The following KCNIP3 variants were observed in gnomAD, a reference collection of about 807,000 sequenced individuals.
KCNIP3 encodes the protein calsenilin.
In KCNIP3, 28 loss-of-function variants were observed where a neutral mutation model predicts 35.0. The ratio of observed to expected loss-of-function variants is 0.80; its 90% CI spans 0.59 to 1.10. The LOEUF (loss-of-function observed/expected upper bound fraction) is 1.10, where lower values mean the gene tolerates loss of function less well. Among genes scored for constraint, KCNIP3 ranks in the 50% least tolerant of loss-of-function variants. KCNIP3 has a pLI of 0.00. For missense variants in KCNIP3, 295 were observed against 338.4 expected (o/e 0.87, Z 1.01); for synonymous variants, 134 against 133.8 (o/e 1.00, Z -0.01).
At chr2:95,316,258 G>A (rs1455447934) in intron 2 of KCNIP3, among the ~76,000 whole-genome samples, 5 of 152,342 alleles carry the variant, frequency 3.3e-5, no homozygotes, top group South Asian at 2.1e-4. Context: ...CTGCACCTGC[G>A]GAACAGCCTC....
At chr2:95,356,323 A>C (rs1241917230) in intron 2 of KCNIP3, among the ~76,000 whole-genome samples, 2 of 151,766 alleles carry the variant, frequency 1.3e-5, no homozygotes, top group East Asian at 3.9e-4. Flanking sequence ...ATGGTAGTTT[A>C]TTTTGTCGTG....
At chr2:95,319,082 T>G (rs545059056) in intron 2 of KCNIP3, among the ~76,000 whole-genome samples, 1 of 152,342 alleles carries the variant, frequency 6.6e-6, no homozygotes, top group South Asian at 2.1e-4. Context: ...ATAAAATACC[T>G]GTCAAATTCA....
intron 2 of KCNIP3, among the ~76,000 whole-genome samples, chr2:95,354,369 A>G (rs903186068): frequency 5.9e-5 from 9 of 152,364 alleles, no homozygotes; most frequent in Middle Eastern, 3.4e-3. Context: ...CACTTATTGG[A>G]CATGCGTTTT....
intron 2 of KCNIP3, among the ~76,000 whole-genome samples, chr2:95,338,438 G>A (rs1679114088): frequency 6.6e-6 from 1 of 152,188 alleles, no homozygotes; most frequent in East Asian, 1.9e-4. Context: ...GTCATCATAA[G>A]CCCATCCCAG....
At chr2:95,344,244 G>A (rs990959630) in intron 2 of KCNIP3, among the ~76,000 whole-genome samples, 1 of 147,630 alleles carries the variant, frequency 6.8e-6, no homozygotes, top group Non-Finnish European at 1.5e-5. Flanking sequence ...GCAGACAGTC[G>A]CCTGGGAAGG....
At chr2:95,305,625 T>A (rs2104202654) in intron 1 of KCNIP3, among the ~76,000 whole-genome samples, 1 of 152,258 alleles carries the variant, frequency 6.6e-6, no homozygotes, top group Non-Finnish European at 1.5e-5. Flanking sequence ...CCTGCCGCCC[T>A]GTGAGAGCCA....
chr2:95,338,008 G>C (rs955268842), intron 2 of KCNIP3, among the ~76,000 whole-genome samples: 3 of 152,230 alleles, frequency 2.0e-5, no homozygotes, highest in South Asian at 4.1e-4. Context: ...ATGTTTCTCA[G>C]TCAGGTATTA....
In KCNIP3 at chr2:95,377,151, G is replaced by A. The variant is rs535198025; in HGVS notation, c.447+1943G>A. Among the ~76,000 whole-genome samples the A allele has an allele frequency of 5.9e-5, 9 of 152,326 alleles. No individual in the cohort carries two copies. In the South Asian group the frequency reaches 1.9e-3, roughly 32 times the overall value. ...GGTGAGCAGCGCCACACACAGATTTGCTGAACGCTCTGGCCACCAGGGCCT... is the reference window on the plus strand; with the variant it reads ...GGTGAGCAGCGCCACACACAGATTTACTGAACGCTCTGGCCACCAGGGCCT... On this transcript the variant is annotated intron_variant, in intron 5 of 8. Coordinates refer to ENST00000295225, the MANE Select transcript of KCNIP3 (RefSeq NM_013434.5). The surrounding 1 kb of genome is among the most constrained non-coding windows in gnomAD (Gnocchi z 4.7).
rs376165840 is a variant in KCNIP3, at chr2:95,382,138, C to T, written c.556-239C>T. ...AAGCACTTTTTCTGCTGCCGCGTCA[C>T]ATTTTGGAGATAAGCACATAGCAAT... On this transcript the variant is annotated intron_variant, in intron 6 of 8. Transcript: ENST00000295225. The surrounding 1 kb of genome is among the most constrained non-coding windows in gnomAD (Gnocchi z 4.5). 2.1e-4 allele frequency among the ~76,000 whole-genome samples: 32 copies of T among 152,354 alleles called. No homozygotes were observed. In the South Asian group the frequency reaches 6.6e-3, roughly 32 times the overall value.
At chr2:95,348,755 T>C (rs1379338337) in intron 2 of KCNIP3, among the ~76,000 whole-genome samples, 2 of 152,178 alleles carry the variant, frequency 1.3e-5, no homozygotes. Flanking sequence ...TGCCCACTCA[T>C]ACCCCTGGAG....
intron 2 of KCNIP3, among the ~76,000 whole-genome samples, chr2:95,335,894 C>T (rs1362915548): frequency 1.3e-5 from 2 of 152,100 alleles, no homozygotes; most frequent in Non-Finnish European, 2.9e-5. Context: ...CATTTTTAGT[C>T]CATTCACATT....
At chr2:95,319,939 G>A (rs1678549018) in intron 2 of KCNIP3, among the ~76,000 whole-genome samples, 1 of 152,186 alleles carries the variant, frequency 6.6e-6, no homozygotes, top group Non-Finnish European at 1.5e-5. Flanking sequence ...AACAAGGGAG[G>A]GAGGGCAAGA....
At chr2:95,353,120 G>C (rs1339762021) in intron 2 of KCNIP3, among the ~76,000 whole-genome samples, 1 of 152,238 alleles carries the variant, frequency 6.6e-6, no homozygotes, top group Non-Finnish European at 1.5e-5. Flanking sequence ...GGCAGGATTG[G>C]ATTCTGGCTG....
At chr2:95,364,640 A>T (rs913749166) in intron 2 of KCNIP3, among the ~76,000 whole-genome samples, 2 of 152,110 alleles carry the variant, frequency 1.3e-5, no homozygotes, top group Non-Finnish European at 2.9e-5. Flanking sequence ...TGACTTTTAT[A>T]CAATTTATAT....
chr2:95,359,125 C>T (rs1189973538), intron 2 of KCNIP3, among the ~76,000 whole-genome samples: 1 of 152,176 alleles, frequency 6.6e-6, no homozygotes, highest in African/African-American at 2.4e-5. Flanking sequence ...TTCTCACATA[C>T]AAAATATATT....
intron 2 of KCNIP3, among the ~76,000 whole-genome samples, chr2:95,322,748 C>T (rs1415772434): frequency 6.6e-6 from 1 of 152,214 alleles, no homozygotes; most frequent in Non-Finnish European, 1.5e-5. Context: ...TATCCCGGCA[C>T]AGGGGCCAGG....
chr2:95,373,696 G>T (rs1680097332), intron 2 of KCNIP3, among the ~76,000 whole-genome samples: 1 of 152,196 alleles, frequency 6.6e-6, no homozygotes, highest in Non-Finnish European at 1.5e-5. Context: ...GGGATTACAG[G>T]TGTGAGTCAC....
At chr2:95,310,719 C>G (rs865979384) in intron 2 of KCNIP3, 199 bp downstream of exon 2, 1 of 610,166 alleles carries the variant, frequency 1.6e-6, no homozygotes, top group Middle Eastern at 2.6e-4. Context: ...CACTGAGCTC[C>G]CAGTGGGACC....
At position 95,320,008 on chromosome 2, in the gene KCNIP3, G is replaced by A. The variant is rs551432878; in HGVS notation, c.181+9488G>A. 3.9e-5 allele frequency among the ~76,000 whole-genome samples: 6 copies of A among 152,342 alleles called. No homozygotes were observed. The East Asian group carries it at 1.2e-3, about 29-fold the overall frequency. On this transcript the variant is annotated intron_variant, in intron 2 of 8. Coordinates refer to ENST00000295225, the MANE Select transcript of KCNIP3 (RefSeq NM_013434.5). ...GCCTCTCCTGGCACCGAGGGCTGGG[G>A]CTTGCTGGTCCACCTCTGAGTTCCT...
Sources: allele counts gnomAD v4.1 joint callset (sites outside exome capture counted in the v4.1 genomes callset), GRCh38; gene constraint gnomAD v4.1.1; non-coding constraint Gnocchi (gnomAD v3.1); transcripts MANE v1.5; gene names NCBI Gene and HGNC (gene_info 2026-07-23, HGNC 2026-07-21).